The following RBMS3 variants were observed in gnomAD, a reference collection of about 807,000 sequenced individuals.
RBMS3 encodes the protein RNA-binding motif, single-stranded-interacting protein 3.
Under a neutral mutation model 66.8 loss-of-function variants are expected in RBMS3, and 27 were observed. That is an observed-to-expected ratio of 0.40 (90% CI 0.30 to 0.56). The LOEUF (loss-of-function observed/expected upper bound fraction) is 0.56. RBMS3 is among the 20% of genes least tolerant of loss of function. RBMS3 has a pLI of 0.40. For missense variants in RBMS3, 513 were observed against 549.5 expected, an observed-to-expected ratio of 0.93 and a Z score of 0.66; for synonymous variants, 188 against 183.0, an observed-to-expected ratio of 1.03 and a Z score of -0.22.
intron 2 of RBMS3, among the ~76,000 whole-genome samples, chr3:29,469,394 G>A (rs1395136755): frequency 6.6e-6 from 1 of 151,970 alleles, no homozygotes; most frequent in Non-Finnish European, 1.5e-5. Context: ...ATAGATATGA[G>A]AATGTTAATA....
chr3:29,335,735 G>A (rs9850035), intron 1 of RBMS3, among the ~76,000 whole-genome samples: 113,717 of 152,084 alleles, frequency 0.75, 42,878 homozygotes, highest in Admixed American at 0.8. Context: ...AGAACTCAGC[G>A]GGGAAGACAG....
At chr3:29,668,680 G>A (rs1220695728) in intron 4 of RBMS3, among the ~76,000 whole-genome samples, 1 of 152,100 alleles carries the variant, frequency 6.6e-6, no homozygotes, top group Non-Finnish European at 1.5e-5. Flanking sequence ...AAGAAAGGAG[G>A]TACAATACTT....
intron 8 of RBMS3, among the ~76,000 whole-genome samples, chr3:29,890,797 C>G (rs1053220101): frequency 6.6e-6 from 1 of 151,512 alleles, no homozygotes; most frequent in African/African-American, 2.4e-5. Context: ...TGGTGATTCT[C>G]TGGGAAGGGC....
chr3:29,541,067 G>C (rs1167595373), intron 3 of RBMS3, among the ~76,000 whole-genome samples: 1 of 152,176 alleles, frequency 6.6e-6, no homozygotes, highest in Non-Finnish European at 1.5e-5. Flanking sequence ...ACACGGATGT[G>C]AAGTGGCCTA....
chr3:29,297,598 G>A (rs1418960808), intron 1 of RBMS3, among the ~76,000 whole-genome samples: 2 of 151,622 alleles, frequency 1.3e-5, no homozygotes, highest in African/African-American at 2.4e-5. Flanking sequence ...TTGTTATTTT[G>A]TTTTGGAAAG....
At chr3:29,565,953 A>G (rs1320045645) in intron 3 of RBMS3, among the ~76,000 whole-genome samples, 1 of 152,166 alleles carries the variant, frequency 6.6e-6, no homozygotes, top group African/African-American at 2.4e-5. Flanking sequence ...ATATAAAAGT[A>G]TTTTATAATA....
rs182339056 is a variant in RBMS3 at position 29,670,673 on chromosome 3, C to T, written c.400-69047C>T. 5.0e-3 allele frequency among the ~76,000 whole-genome samples: 756 copies of T among 152,336 alleles called. 5 individuals carry two copies. Among genetic ancestry groups the T allele is most frequent in the Non-Finnish European group, 9.1e-3 (620 of 68,036 alleles). On this transcript the variant is annotated intron_variant, in intron 4 of 14. Coordinates refer to ENST00000383767, the MANE Select transcript of RBMS3 (RefSeq NM_001003793.3). ...CACTGCTAACACAGCAGTCCAAGATCGAACTGCAAGGCAGCAGCAAGGCTG... is the reference window on the plus strand; with the variant it reads ...CACTGCTAACACAGCAGTCCAAGATTGAACTGCAAGGCAGCAGCAAGGCTG...
chr3:29,732,407 T>C (rs1313711809), intron 4 of RBMS3, among the ~76,000 whole-genome samples: 1 of 152,174 alleles, frequency 6.6e-6, no homozygotes, highest in Non-Finnish European at 1.5e-5. Flanking sequence ...ACACAGTGTA[T>C]CAATTTAAAC....
intron 6 of RBMS3, among the ~76,000 whole-genome samples, chr3:29,825,041 C>CTTTTTTTTT (rs199929851): frequency 7.1e-6 from 1 of 140,476 alleles, no homozygotes. Flanking sequence ...TATCATCATT[C>CTTTTTTTTT]TTTTTTTTTT....
chr3:29,718,588 T>C (rs2053505750), intron 4 of RBMS3, among the ~76,000 whole-genome samples: 1 of 151,932 alleles, frequency 6.6e-6, no homozygotes, highest in Admixed American at 6.6e-5. Context: ...CCATACTCCA[T>C]TGGTTGGAGG....
intron 2 of RBMS3, among the ~76,000 whole-genome samples, chr3:29,469,907 C>A (rs1191465643): frequency 6.7e-6 from 1 of 148,218 alleles, no homozygotes; most frequent in African/African-American, 2.5e-5. Context: ...AAAAGCCTTT[C>A]ACATATTTAA....
At chr3:29,677,285 T>C (rs1053281391) in intron 4 of RBMS3, among the ~76,000 whole-genome samples, 5 of 152,154 alleles carry the variant, frequency 3.3e-5, no homozygotes, top group South Asian at 2.1e-4. Context: ...CTTTGATGTT[T>C]GTTTTCTTCC....
chr3:29,660,095 A>G (rs1182906687), intron 4 of RBMS3, among the ~76,000 whole-genome samples: 3 of 152,154 alleles, frequency 2.0e-5, no homozygotes, highest in African/African-American at 7.2e-5. Context: ...TGCTATTGAA[A>G]ATAATTTTTT....
At chr3:29,655,081 G>A (rs1485711251) in intron 4 of RBMS3, among the ~76,000 whole-genome samples, 1 of 151,970 alleles carries the variant, frequency 6.6e-6, no homozygotes, top group East Asian at 1.9e-4. Flanking sequence ...CTTCCTCAGT[G>A]TCTTCATCTG....
intron 2 of RBMS3, among the ~76,000 whole-genome samples, chr3:29,456,908 A>T (rs1318752033): frequency 1.3e-5 from 2 of 152,194 alleles, no homozygotes; most frequent in Non-Finnish European, 2.9e-5. Context: ...CTGGACATAA[A>T]GTACTGTGAT....
At chr3:29,617,300 G>A (rs957372553) in intron 4 of RBMS3, among the ~76,000 whole-genome samples, 1 of 152,320 alleles carries the variant, frequency 6.6e-6, no homozygotes, top group Admixed American at 6.5e-5. Context: ...TGATATTGCA[G>A]ACTTGACTTA....
intron 4 of RBMS3, among the ~76,000 whole-genome samples, chr3:29,708,056 A>G (rs1049862891): frequency 6.6e-6 from 1 of 152,130 alleles, no homozygotes; most frequent in Non-Finnish European, 1.5e-5. Context: ...CCGTTTAGAG[A>G]GTATCATGCC....
intron 1 of RBMS3, among the ~76,000 whole-genome samples, chr3:29,298,380 A>G (rs995637138): frequency 6.6e-6 from 1 of 151,974 alleles, no homozygotes; most frequent in African/African-American, 2.4e-5. Flanking sequence ...TCTATTGAAT[A>G]AAGAGTGTAT....
At chr3:29,633,559 A>C (rs1277759888) in intron 4 of RBMS3, among the ~76,000 whole-genome samples, 1 of 151,858 alleles carries the variant, frequency 6.6e-6, no homozygotes, top group Non-Finnish European at 1.5e-5. Context: ...ATCATCACAG[A>C]ACTTTTTAGG....
Sources: gnomAD v4.1 joint callset for allele counts (sites outside exome capture counted in the v4.1 genomes callset) on GRCh38, gnomAD v4.1.1 for gene constraint, MANE v1.5 for transcripts, NCBI Gene and HGNC (gene_info 2026-07-23, HGNC 2026-07-21) for gene names.